MASP1: variants seen among roughly 807,000 people sequenced by gnomAD.
MASP1 encodes mannan-binding lectin serine protease 1.
In MASP1, 59 loss-of-function variants were observed where a neutral mutation model predicts 77.1. The ratio of observed to expected loss-of-function variants is 0.77; its 90% CI spans 0.62 to 0.95. The LOEUF is 0.95. Ranked by LOEUF, MASP1 falls within the 40% of genes least tolerant of loss-of-function variation. The probability of loss-of-function intolerance (pLI) is 0.00; values close to 1 mark genes in which losing one functional copy is unlikely to be tolerated. For synonymous variants in MASP1, 362 were observed against 354.5 expected, an observed-to-expected ratio of 1.02 and a Z score of -0.24; for missense variants, 885 against 912.9, an observed-to-expected ratio of 0.97 and a Z score of 0.39.
intron 8 of MASP1, 84 bp downstream of exon 8, chr3:187,250,167 G>T: frequency 8.9e-7 from 1 of 1,120,862 alleles, no homozygotes; most frequent in Non-Finnish European, 1.4e-6. Flanking sequence ...CTCCTGCCAA[G>T]CTTTCACCCT....
Position 187,235,916 on chromosome 3 carries a change from TAGCC to T in MASP1, c.1951_1954del (p.Gly651ThrfsTer23). 6.2e-7 allele frequency: 1 copy of T among 1,614,230 alleles called. No individual in the cohort carries two copies. The highest frequency in any genetic ancestry group is 8.5e-7 in the Non-Finnish European group (1 of 1,180,042). On this transcript the variant is annotated frameshift_variant, in exon 11 of 11. Coordinates refer to ENST00000296280, the MANE Select transcript of MASP1 (RefSeq NM_139125.4). LOFTEE classifies it high-confidence loss of function. ...GCACGTGTCTTTGCCGCCCTCGTAG[TAGCC>T]AGCACAGAACATGTTCTCCGTGACG...
rs532296804 is a variant in MASP1, at chr3:187,262,343, C to T, written c.415+200G>A. 3.3e-5 allele frequency among the ~76,000 whole-genome samples: 5 copies of T among 152,264 alleles called. No homozygotes were observed. The East Asian group carries it at 9.6e-4, about 29-fold the overall frequency. ...GATGTCTGCAATTTACGTTAAAACACTTTGTAAAAGATGAATTGCTGGATG... is the reference window on the plus strand; with the variant it reads ...GATGTCTGCAATTTACGTTAAAACATTTTGTAAAAGATGAATTGCTGGATG... On this transcript the variant is annotated intron_variant, in intron 3 of 10. Transcript: ENST00000296280.
At chr3:187,231,213 G>A (rs1026025497), downstream of MASP1, among the ~76,000 whole-genome samples, 2 of 152,276 alleles carry the variant, frequency 1.3e-5, no homozygotes, top group African/African-American at 4.8e-5. Context: ...TTTTCACTCT[G>A]GATCTCTTAA....
At chr3:187,255,900 G>A (rs1175620510) in intron 5 of MASP1, among the ~76,000 whole-genome samples, 1 of 151,500 alleles carries the variant, frequency 6.6e-6, no homozygotes, top group Non-Finnish European at 1.5e-5. Context: ...AACATTTCAT[G>A]GCACCCATCT....
chr3:187,232,914 A>T (rs1016917752), downstream of MASP1, among the ~76,000 whole-genome samples: 2 of 152,266 alleles, frequency 1.3e-5, no homozygotes, highest in Admixed American at 1.3e-4. Context: ...GGTACAAACC[A>T]AAAACAAAGG....
chr3:187,249,965 C>T (rs1036019022), intron 8 of MASP1, among the ~76,000 whole-genome samples: 7 of 152,214 alleles, frequency 4.6e-5, no homozygotes, highest in East Asian at 3.8e-4. Context: ...AACCTGGACA[C>T]GTGCTATTCC....
intron 8 of MASP1, chr3:187,244,230 A>G (rs540796994): frequency 4.4e-5 from 7 of 160,882 alleles, no homozygotes; most frequent in African/African-American, 1.4e-4. Flanking sequence ...ATCAGCTTTC[A>G]GTCTTCCCCT....
intron 1 of MASP1, 37 bp downstream of exon 1, chr3:187,291,591 A>G (rs747365439): frequency 2.5e-6 from 4 of 1,613,890 alleles, no homozygotes; most frequent in Non-Finnish European, 3.4e-6. Flanking sequence ...ACTGGTCCCC[A>G]AAAGGGAACC....
At chr3:187,267,668 T>C (rs371695990) in intron 2 of MASP1, among the ~76,000 whole-genome samples, 5 of 152,360 alleles carry the variant, frequency 3.3e-5, no homozygotes, top group African/African-American at 9.6e-5. Flanking sequence ...TCAGATACTT[T>C]CAGGTGAAAC....
At position 187,234,932 on chromosome 3, in the gene MASP1, G is replaced by C; in HGVS notation, c.*752C>G. The C allele has an allele frequency of 7.8e-7, 1 of 1,287,262 alleles. No individual in the cohort carries two copies. The highest frequency in any genetic ancestry group is 1.0e-6 in the Non-Finnish European group (1 of 988,704). 79.7% of individuals were successfully genotyped at this position (1,287,262 alleles called of 1,614,324 possible). ...TCCAGGGTGGCATATGGGCCCAAATGTGTTCTGAGTTGACAATGGGAATTT... is the reference window on the plus strand; with the variant it reads ...TCCAGGGTGGCATATGGGCCCAAATCTGTTCTGAGTTGACAATGGGAATTT... On this transcript the variant is annotated 3_prime_UTR_variant, in exon 11 of 11. Coordinates refer to ENST00000296280, the MANE Select transcript of MASP1 (RefSeq NM_139125.4).
At chr3:187,280,692 G>C (rs765683059) in intron 2 of MASP1, among the ~76,000 whole-genome samples, 5 of 152,180 alleles carry the variant, frequency 3.3e-5, no homozygotes, top group Non-Finnish European at 5.9e-5. Context: ...TTTGTCTTAT[G>C]TTACAACATA....
At chr3:187,229,391 C>T (rs930693634), downstream of MASP1, among the ~76,000 whole-genome samples, 6 of 152,172 alleles carry the variant, frequency 3.9e-5, no homozygotes, top group Non-Finnish European at 7.3e-5. Context: ...CCAGAGCATA[C>T]TTATCAACCT....
At chr3:187,285,162 T>C (rs1041069660) in intron 2 of MASP1, among the ~76,000 whole-genome samples, 1 of 152,170 alleles carries the variant, frequency 6.6e-6, no homozygotes, top group Non-Finnish European at 1.5e-5. Flanking sequence ...TGGAATTTTT[T>C]TTTTTGTGGG....
intron 2 of MASP1, among the ~76,000 whole-genome samples, chr3:187,277,464 C>T (rs1325053486): frequency 3.3e-5 from 5 of 152,122 alleles, no homozygotes; most frequent in Admixed American, 1.3e-4. Context: ...TAAAAGAGAA[C>T]GTTATTTAAA....
chr3:187,246,582 A>G (rs72549274), intron 8 of MASP1: 29,062 of 985,644 alleles, frequency 0.029, 465 homozygotes, highest in Non-Finnish European at 0.032. Context: ...CAGAGATTCC[A>G]GCTGCCACTC....
chr3:187,236,497 A>G lies in MASP1; in HGVS notation c.1374T>C (p.Pro458=), dbSNP rs710452. 1,602,310 of 1,614,088 alleles carry G rather than the reference A, an allele frequency of 0.99. 796,014 individuals are homozygous for G. The highest frequency in any genetic ancestry group is 1 in the East Asian group (44,856 of 44,858). ...KRIIGGRNAE[P]GLFPWQALIV... Reference sequence around the variant, plus strand: ...TCAGGGCCTGCCACGGGAAGAGGCCAGGCTCAGCATTTCGGCCCCCAATGA... The same window carrying G: ...TCAGGGCCTGCCACGGGAAGAGGCCGGGCTCAGCATTTCGGCCCCCAATGA... Residue 458 remains proline (P), a synonymous_variant, in exon 11 of 11, where the codon CCT becomes CCC. Transcript: ENST00000296280.
chr3:187,221,617 G>A (rs150462896), intron 14 of MASP1, among the ~76,000 whole-genome samples: 47 of 152,276 alleles, frequency 3.1e-4, no homozygotes, highest in African/African-American at 1.1e-3. Context: ...GTACAAAGAG[G>A]AGAGGCAGGA....
downstream of MASP1, among the ~76,000 whole-genome samples, chr3:187,229,500 T>C (rs1712637406): frequency 6.6e-6 from 1 of 152,162 alleles, no homozygotes; most frequent in Non-Finnish European, 1.5e-5. Context: ...TTCCTGGCTC[T>C]CCCTGAACTC....
In MASP1 at chr3:187,235,717, T is replaced by C. The variant is rs745814009; in HGVS notation, c.2154A>G (p.Pro718=). Residue 718 remains proline, a synonymous_variant, in exon 11 of 11, where the codon CCA becomes CCG. Coordinates refer to ENST00000296280, the MANE Select transcript of MASP1 (RefSeq NM_139125.4). ...VDWVWEQMGL[P]QSVVEPQVER is the part of the protein sequence containing the mutation. ...CCACCTGGGGCTCCACAACACTTTG[T>C]GGTAAGCCCATCTGCTCCCACACCC... is the stretch of plus-strand genomic sequence containing the variant. 3 of 1,614,082 alleles carry C rather than the reference T, an allele frequency of 1.9e-6. No homozygotes were observed. In the Admixed American group the frequency reaches 5.0e-5, roughly 27 times the overall value.
Sources: gnomAD v4.1 joint callset for allele counts (sites outside exome capture counted in the v4.1 genomes callset) on GRCh38, gnomAD v4.1.1 for gene constraint, MANE v1.5 for transcripts, NCBI Gene and HGNC (gene_info 2026-07-23, HGNC 2026-07-21) for gene names.